EGFLAM: variants seen among roughly 807,000 people sequenced by gnomAD.
The protein encoded by EGFLAM is pikachurin.
A neutral mutation model predicts 113.1 loss-of-function variants in EGFLAM; 79 were observed. The ratio of observed to expected loss-of-function variants is 0.70; its 90% CI spans 0.58 to 0.84. EGFLAM has a LOEUF of 0.84. Among genes scored for constraint, EGFLAM ranks in the 40% least tolerant of loss-of-function variants. The pLI is 0.00. For synonymous variants in EGFLAM, 504 were observed against 487.6 expected (o/e 1.03, Z -0.44); for missense variants, 1,265 against 1,291.6 (o/e 0.98, Z 0.32).
At chr5:38,292,186 A>T (rs1180164214) in intron 1 of EGFLAM, among the ~76,000 whole-genome samples, 1 of 152,152 alleles carries the variant, frequency 6.6e-6, no homozygotes, top group African/African-American at 2.4e-5. Context: ...ATCCTTAACA[A>T]TGTCTTATCA....
chr5:38,305,905 A>G (rs960254233), intron 1 of EGFLAM, among the ~76,000 whole-genome samples: 21 of 152,194 alleles, frequency 1.4e-4, no homozygotes, highest in Admixed American at 9.2e-4. Context: ...GGAACTTGGT[A>G]GAGGCTTCTT....
intron 10 of EGFLAM, 116 bp from the exon 11 acceptor site, chr5:38,412,388 C>T: frequency 6.7e-7 from 1 of 1,490,278 alleles, no homozygotes; most frequent in Non-Finnish European, 9.3e-7. Context: ...ATAAACATGA[C>T]TCTGAACAGA....
intron 4 of EGFLAM, among the ~76,000 whole-genome samples, chr5:38,351,634 G>A (rs774242209): frequency 6.6e-5 from 10 of 152,074 alleles, no homozygotes; most frequent in Non-Finnish European, 1.0e-4. Flanking sequence ...CAGAAACAGC[G>A]GTCACTTGAA....
At chr5:38,288,257 T>C (rs905323321) in intron 1 of EGFLAM, among the ~76,000 whole-genome samples, 1 of 152,214 alleles carries the variant, frequency 6.6e-6, no homozygotes, top group Non-Finnish European at 1.5e-5. Flanking sequence ...GGCTGTTTTA[T>C]TGTATTATCC....
intron 1 of EGFLAM, among the ~76,000 whole-genome samples, chr5:38,263,746 T>A (rs1757561730): frequency 6.6e-6 from 1 of 152,110 alleles, no homozygotes; most frequent in South Asian, 2.1e-4. Flanking sequence ...ATTGCAGAAG[T>A]TTTTTAGGTT....
intron 1 of EGFLAM, among the ~76,000 whole-genome samples, chr5:38,323,191 G>A (rs946488103): frequency 6.6e-6 from 1 of 152,174 alleles, no homozygotes; most frequent in Non-Finnish European, 1.5e-5. Context: ...TGTCACAGAT[G>A]ATATTTTTGT....
intron 3 of EGFLAM, among the ~76,000 whole-genome samples, chr5:38,349,150 GAAGAAAGTAT>G (rs533172995): frequency 5.9e-5 from 9 of 152,192 alleles, no homozygotes; most frequent in Non-Finnish European, 1.2e-4. Flanking sequence ...AAGAGCTTGT[GAAGAAAGTAT>G]AAGACATGGT....
At chr5:38,328,804 A>C (rs1288139288) in intron 1 of EGFLAM, among the ~76,000 whole-genome samples, 1 of 144,276 alleles carries the variant, frequency 6.9e-6, no homozygotes, top group East Asian at 2.0e-4. Flanking sequence ...AATATGCATA[A>C]GTTTTATAAT....
Position 38,351,062 on chromosome 5 carries a change from T to G in EGFLAM, c.409+444T>G, listed in dbSNP as rs572227084. Among the ~76,000 whole-genome samples, 174 of 152,018 alleles carry G rather than the reference T, an allele frequency of 1.1e-3. 1 individual carries two copies. The highest frequency in any genetic ancestry group is 1.9e-3 in the Non-Finnish European group (129 of 68,000). On this transcript the variant is annotated intron_variant, in intron 4 of 21. Coordinates refer to ENST00000322350, the MANE Select transcript of EGFLAM (RefSeq NM_152403.4). ...ATGCTGGTCACTGCTGGCAAGGAGC[T>G]TTTTGTGGAAGGAGAAGCCAATGAC...
intron 1 of EGFLAM, among the ~76,000 whole-genome samples, chr5:38,299,467 A>G (rs1758521557): frequency 6.6e-6 from 1 of 152,108 alleles, no homozygotes; most frequent in East Asian, 1.9e-4. Flanking sequence ...TTGAAATGTA[A>G]TCCCCAATGT....
intron 21 of EGFLAM, among the ~76,000 whole-genome samples, chr5:38,463,314 C>T (rs771965233): frequency 6.6e-6 from 1 of 152,206 alleles, no homozygotes; most frequent in Non-Finnish European, 1.5e-5. Flanking sequence ...CGGGACCTGT[C>T]TTTCTTTCCC....
At chr5:38,417,347 C>CAAAAAAAAACAAAA (rs1741677977) in intron 11 of EGFLAM, among the ~76,000 whole-genome samples, 5 of 78,474 alleles carry the variant, frequency 6.4e-5, no homozygotes, top group East Asian at 4.8e-4. Flanking sequence ...GACTCTGTCT[C>CAAAAAAAAACAAAA]AAAAAAAAAA....
chr5:38,348,321 G>A (rs1048267877), intron 3 of EGFLAM, among the ~76,000 whole-genome samples: 2 of 152,050 alleles, frequency 1.3e-5, no homozygotes, highest in Admixed American at 6.5e-5. Context: ...GCAAGACTAC[G>A]AGGGAGAAGA....
chr5:38,444,231 A>C (rs115122608), intron 17 of EGFLAM, among the ~76,000 whole-genome samples: 1,889 of 152,332 alleles, frequency 0.012, 49 homozygotes, highest in African/African-American at 0.044. Flanking sequence ...AAGAAAATGA[A>C]AAAAACACAT....
At chr5:38,365,552 A>G (rs1485281855) in intron 5 of EGFLAM, among the ~76,000 whole-genome samples, 1 of 152,176 alleles carries the variant, frequency 6.6e-6, no homozygotes, top group Non-Finnish European at 1.5e-5. Context: ...CTAGGGGGAA[A>G]AGTTCAGTGC....
chr5:38,385,788 C>T (rs1310639453), intron 6 of EGFLAM, among the ~76,000 whole-genome samples: 1 of 152,178 alleles, frequency 6.6e-6, no homozygotes, highest in African/African-American at 2.4e-5. Flanking sequence ...ATCTGTAATA[C>T]TGAACTAAAT....
At chr5:38,322,301 G>T (rs987083034) in intron 1 of EGFLAM, among the ~76,000 whole-genome samples, 4 of 152,232 alleles carry the variant, frequency 2.6e-5, no homozygotes, top group African/African-American at 9.6e-5. Context: ...AAGGGCTCGG[G>T]ACTCTCTGGG....
intron 14 of EGFLAM, among the ~76,000 whole-genome samples, chr5:38,428,540 C>G (rs1388936294): frequency 6.6e-6 from 1 of 152,220 alleles, no homozygotes; most frequent in Admixed American, 6.5e-5. Context: ...TCACTTAGAA[C>G]TGTATGTCAA....
At chr5:38,323,386 C>T (rs1405023910) in intron 1 of EGFLAM, among the ~76,000 whole-genome samples, 1 of 152,162 alleles carries the variant, frequency 6.6e-6, no homozygotes, top group East Asian at 1.9e-4. Flanking sequence ...AAAGCTCAAG[C>T]ATACTCTCCC....
Sources: allele counts gnomAD v4.1 joint callset (sites outside exome capture counted in the v4.1 genomes callset), GRCh38; gene constraint gnomAD v4.1.1; transcripts MANE v1.5; gene names NCBI Gene and HGNC (gene_info 2026-07-23, HGNC 2026-07-21).